Variants in NACC2 observed in about 807,000 individuals in gnomAD.
The protein encoded by NACC2 is nucleus accumbens-associated protein 2.
A neutral mutation model predicts 25.1 loss-of-function variants in NACC2; 8 were observed. The observed-to-expected ratio is 0.32, with a 90% CI of 0.19 to 0.57. The LOEUF (loss-of-function observed/expected upper bound fraction) is 0.57. NACC2 is among the 20% of genes least tolerant of loss of function. NACC2 has a pLI of 0.89. For missense variants in NACC2, 644 were observed against 650.2 expected (o/e 0.99, Z 0.10); for synonymous variants, 435 against 294.7 (o/e 1.48, Z -4.88).
chr9:136,076,136 CCCCA>C (rs1830260684), intron 1 of NACC2, among the ~76,000 whole-genome samples: 1 of 152,204 alleles, frequency 6.6e-6, no homozygotes. Flanking sequence ...AGTGATGACA[CCCCA>C]TACCCCGTGA....
At chr9:136,046,080 C>T (rs892774709) in intron 2 of NACC2, among the ~76,000 whole-genome samples, 3 of 152,210 alleles carry the variant, frequency 2.0e-5, no homozygotes, top group Admixed American at 6.5e-5. Flanking sequence ...AAGGGGCTCC[C>T]GCTCAGGCCA....
intron 1 of NACC2, among the ~76,000 whole-genome samples, chr9:136,087,001 T>C (rs1001675544): frequency 1.3e-5 from 2 of 152,210 alleles, no homozygotes; most frequent in Admixed American, 1.3e-4. Context: ...AAAGGTAAGA[T>C]GAGATATCCC....
chr9:136,011,796 A>G lies in NACC2; in HGVS notation c.1484T>C (p.Ile495Thr), dbSNP rs369219429. 39 of 1,579,606 alleles carry G rather than the reference A, an allele frequency of 2.5e-5. No homozygotes were observed. Among genetic ancestry groups the G allele is most frequent in the Non-Finnish European group, 3.3e-5 (38 of 1,163,778 alleles). ...PAAAQVFEQR[I>T]YAERRGDAAT... ...GGCGTCGCCCCGCCGCTCGGCGTAG[A>G]TGCGTTGCTCGAACACCTGTGCCGC... The change falls in exon 6 of 6, where the codon ATC becomes ACC. Residue 495 changes from isoleucine to threonine, a missense_variant. Transcript: ENST00000277554.
intron 1 of NACC2, among the ~76,000 whole-genome samples, chr9:136,085,348 G>A (rs1434435792): frequency 6.6e-6 from 1 of 151,464 alleles, no homozygotes; most frequent in African/African-American, 2.4e-5. Flanking sequence ...AGATGTGGTG[G>A]TGCACAAAAA....
chr9:136,041,098 G>GGAAA (rs1840623740), intron 2 of NACC2, among the ~76,000 whole-genome samples: 1 of 151,456 alleles, frequency 6.6e-6, no homozygotes, highest in South Asian at 2.1e-4. Context: ...GCAAAGGAAA[G>GGAAA]GAAAGGAAGG....
intron 2 of NACC2, among the ~76,000 whole-genome samples, chr9:136,028,138 G>C (rs1281822507): frequency 6.7e-6 from 1 of 150,360 alleles, no homozygotes; most frequent in Non-Finnish European, 1.5e-5. Flanking sequence ...GCAGGTGCCT[G>C]TAATCCCAGC....
intron 1 of NACC2, among the ~76,000 whole-genome samples, chr9:136,092,196 G>A (rs1388338895): frequency 6.6e-6 from 1 of 152,228 alleles, no homozygotes; most frequent in Non-Finnish European, 1.5e-5. Context: ...TGCCCAGAGA[G>A]GGTGCCAGGA....
chr9:136,013,159 G>GCCCCCGCCCCCCCC lies in NACC2; in HGVS notation c.1255+39_1255+40insGGGGGGGGCGGGGG. On this transcript the variant is annotated intron_variant, in intron 5 of 5. Coordinates refer to ENST00000277554, the MANE Select transcript of NACC2 (RefSeq NM_144653.5). The surrounding 1 kb of genome is among the most constrained non-coding windows in gnomAD (Gnocchi z 6.6). ...CTCCTCAGGCTGGGATCTGAACCCA[G>GCCCCCGCCCCCCCC]CCCCGGCCCCACCCACCCGAGAGAC... 1 of 754,886 alleles carries GCCCCCGCCCCCCCC rather than the reference G, an allele frequency of 1.3e-6. No homozygotes were observed. Among genetic ancestry groups the GCCCCCGCCCCCCCC allele is most frequent in the South Asian group, 1.4e-5 (1 of 72,016 alleles). The allele number at this position is 754,886 out of a possible 1,614,324, so 46.8% of individuals were successfully genotyped here.
chr9:136,054,258 G>T (rs2131166042), intron 1 of NACC2, among the ~76,000 whole-genome samples: 1 of 152,292 alleles, frequency 6.6e-6, no homozygotes, highest in East Asian at 1.9e-4. Flanking sequence ...CAGGGCTGGG[G>T]GACAGACCAG....
intron 2 of NACC2, among the ~76,000 whole-genome samples, chr9:136,032,036 C>T (rs1285825763): frequency 7.0e-6 from 1 of 142,046 alleles, no homozygotes; most frequent in African/African-American, 3.1e-5. Context: ...GATCACTGCC[C>T]AGGTTTGACC....
At position 136,014,050 on chromosome 9, in the gene NACC2, AG is replaced by A. The variant is rs1193683113; in HGVS notation, c.1052-82del. 40 of 126,484 alleles carry A rather than the reference AG, an allele frequency of 3.2e-4. 1 individual carries two copies. The highest frequency in any genetic ancestry group is 7.4e-4 in the East Asian group (4 of 5,412). The allele number at this position is 126,484 out of a possible 1,614,324, so 7.8% of individuals were successfully genotyped here. A position where few individuals can be genotyped will look rare whatever the true frequency, so the allele number is the denominator to read the frequency against. On this transcript the variant is annotated intron_variant, in intron 3 of 5. Transcript: ENST00000277554. ...AGAGGCGCACAGATGGGTGAGGGGG[AG>A]GGGGGGAGGTGGAGGGGGAGGAGGA...
In NACC2 at chr9:136,049,666, T is replaced by C; in HGVS notation, c.856A>G (p.Met286Val). ...DTMVEEQYGQ[M>V]YIKASGSYAV... Reference sequence around the variant, plus strand: ...TAGCTGCCGGAGGCCTTGATGTACATCTGGCCGTACTGCTCCTCCACCATG... The same window carrying C: ...TAGCTGCCGGAGGCCTTGATGTACACCTGGCCGTACTGCTCCTCCACCATG... Residue 286 changes from methionine (M) to valine (V), a missense_variant, in exon 2 of 6, where the codon ATG (methionine) becomes GTG (valine). Physicochemically the swap from Met to Val is conservative, Grantham distance 21 (BLOSUM62 1). Coordinates refer to ENST00000277554, the MANE Select transcript of NACC2 (RefSeq NM_144653.5). 1 of 778,576 alleles carries C rather than the reference T, an allele frequency of 1.3e-6. No homozygotes were observed. Among genetic ancestry groups the C allele is most frequent in the South Asian group, 1.3e-5 (1 of 74,566 alleles). The allele number at this position is 778,576 out of a possible 1,614,324, so 48.2% of individuals were successfully genotyped here. A position where few individuals can be genotyped will look rare whatever the true frequency, so the allele number is the denominator to read the frequency against.
intron 1 of NACC2, among the ~76,000 whole-genome samples, chr9:136,079,276 C>A (rs897832376): frequency 1.3e-5 from 2 of 152,206 alleles, no homozygotes; most frequent in African/African-American, 4.8e-5. Flanking sequence ...GGCACTTGCC[C>A]AGAGTCCCAC....
chr9:136,023,074 G>T, intron 2 of NACC2, among the ~76,000 whole-genome samples: 1 of 49,326 alleles, frequency 2.0e-5, no homozygotes, highest in East Asian at 5.1e-4. Context: ...GGAAGAGGGA[G>T]GGAGGAGGGA....
intron 2 of NACC2, among the ~76,000 whole-genome samples, chr9:136,017,834 T>C (rs922425045): frequency 6.6e-6 from 1 of 152,162 alleles, no homozygotes; most frequent in Non-Finnish European, 1.5e-5. Context: ...CCTGGGCTCC[T>C]GCACACCCTA....
rs1249998951 is a variant in NACC2 at position 136,050,432 on chromosome 9, G to A, written c.90C>T (p.Cys30=). The A allele has an allele frequency of 7.7e-5, 59 of 766,664 alleles. No homozygotes were observed. The East Asian group carries it at 9.0e-4, about 12-fold the overall frequency. 47.5% of individuals were successfully genotyped at this position (766,664 alleles called of 1,614,324 possible). A position where few individuals can be genotyped will look rare whatever the true frequency, so the allele number is the denominator to read the frequency against. ...LNEQRLLGLY[C]DVSIVVKGQA... ...GGCCCTTGACCACGATGGACACATC[G>A]CAGTAGAGGCCCAGCAGGCGCTGCT... Residue 30 remains cysteine (C), a synonymous_variant, in exon 2 of 6, where the codon TGC becomes TGT. Coordinates refer to ENST00000277554, the MANE Select transcript of NACC2 (RefSeq NM_144653.5).
intron 5 of NACC2, among the ~76,000 whole-genome samples, chr9:136,012,839 C>A (rs1303231873): frequency 1.3e-5 from 2 of 152,246 alleles, no homozygotes; most frequent in Admixed American, 6.5e-5. Context: ...TCCGCCCCCA[C>A]ACGCCCAAGA....
At chr9:136,014,318 G>A (rs531313949) in intron 3 of NACC2, among the ~76,000 whole-genome samples, 104 of 152,098 alleles carry the variant, frequency 6.8e-4, no homozygotes, top group Non-Finnish European at 1.3e-3. Flanking sequence ...CTTTGTTGTT[G>A]TTTAGAGACG....
chr9:136,070,381 G>A lies in NACC2; in HGVS notation c.-59-19801C>T, dbSNP rs907055670. ...AAATTAGCCGGGCGTGGTGGTGGGC[G>A]CCTATAATCCCAGCCACTGGGGAGG... On this transcript the variant is annotated intron_variant, in intron 1 of 5. Coordinates refer to ENST00000277554, the MANE Select transcript of NACC2 (RefSeq NM_144653.5). Among the ~76,000 whole-genome samples the A allele has an allele frequency of 5.3e-5, 8 of 151,722 alleles. No individual in the cohort carries two copies. In the East Asian group the frequency reaches 1.5e-3, roughly 29 times the overall value.
Sources: allele counts gnomAD v4.1 joint callset (sites outside exome capture counted in the v4.1 genomes callset), GRCh38; gene constraint gnomAD v4.1.1; non-coding constraint Gnocchi (gnomAD v3.1); transcripts MANE v1.5; gene names NCBI Gene and HGNC (gene_info 2026-07-23, HGNC 2026-07-21).